The following RAB3GAP1 variants were observed in gnomAD, a reference collection of about 807,000 sequenced individuals.
The protein encoded by RAB3GAP1 is rab3 GTPase-activating protein catalytic subunit.
Under a neutral mutation model 130.7 loss-of-function variants are expected in RAB3GAP1, and 86 were observed. The ratio of observed to expected loss-of-function variants is 0.66; its 90% CI spans 0.55 to 0.79. The LOEUF (loss-of-function observed/expected upper bound fraction) is 0.79, where lower values mean the gene tolerates loss of function less well. Among genes scored for constraint, RAB3GAP1 ranks in the 30% least tolerant of loss-of-function variants. The pLI is 0.00. For synonymous variants in RAB3GAP1, 367 were observed against 401.7 expected, an observed-to-expected ratio of 0.91 and a Z score of 1.03; for missense variants, 1,029 against 1,169.4, an observed-to-expected ratio of 0.88 and a Z score of 1.75.
chr2:135,091,420 G>C (rs1330230713), intron 4 of RAB3GAP1, among the ~76,000 whole-genome samples: 1 of 152,140 alleles, frequency 6.6e-6, no homozygotes, highest in East Asian at 1.9e-4. Flanking sequence ...TAATGAAAGT[G>C]ATAAGTGCAT....
At chr2:135,063,948 G>C (rs1325537587) in intron 3 of RAB3GAP1, among the ~76,000 whole-genome samples, 2 of 152,096 alleles carry the variant, frequency 1.3e-5, no homozygotes, top group African/African-American at 2.4e-5. Flanking sequence ...AGATTTTGCC[G>C]TATTTTTGAA....
At chr2:135,107,999 A>C (rs1295213070) in intron 5 of RAB3GAP1, among the ~76,000 whole-genome samples, 2 of 143,484 alleles carry the variant, frequency 1.4e-5, no homozygotes, top group African/African-American at 2.7e-5. Flanking sequence ...AAAAAAAAAA[A>C]AAACTACACA....
At chr2:135,094,482 T>A (rs1351979793) in intron 5 of RAB3GAP1, among the ~76,000 whole-genome samples, 2 of 152,218 alleles carry the variant, frequency 1.3e-5, no homozygotes, top group African/African-American at 4.8e-5. Context: ...ATGCTAGATC[T>A]TACTTTTTCT....
intron 3 of RAB3GAP1, among the ~76,000 whole-genome samples, chr2:135,079,416 T>C (rs1689722484): frequency 1.3e-5 from 2 of 152,386 alleles, no homozygotes; most frequent in South Asian, 2.1e-4. Context: ...GCTGTCATTA[T>C]ATTATGAGAC....
chr2:135,162,489 C>A, intron 19 of RAB3GAP1, 66 bp from the exon 20 acceptor site: 2 of 1,254,930 alleles, frequency 1.6e-6, no homozygotes, highest in Non-Finnish European at 2.3e-6. Context: ...ATTTGCACTT[C>A]TGTAAGTGGC....
chr2:135,162,879 G>A, intron 21 of RAB3GAP1, 28 bp downstream of exon 21: 1 of 1,594,248 alleles, frequency 6.3e-7, no homozygotes, highest in Non-Finnish European at 8.6e-7. Flanking sequence ...TCAGAATCTT[G>A]CCAAGTGTTC....
chr2:135,148,709 G>C (rs1296664600), intron 17 of RAB3GAP1, among the ~76,000 whole-genome samples: 4 of 135,372 alleles, frequency 3.0e-5, no homozygotes, highest in African/African-American at 5.8e-5. Flanking sequence ...ATGGGGTTTC[G>C]CCATGTTGGC....
intron 19 of RAB3GAP1, among the ~76,000 whole-genome samples, chr2:135,155,323 G>T (rs1008223570): frequency 2.0e-5 from 3 of 152,016 alleles, no homozygotes; most frequent in Non-Finnish European, 4.4e-5. Context: ...TGGGAAAAGA[G>T]CCCAGAAAAT....
chr2:135,135,910 C>T lies in RAB3GAP1; in HGVS notation c.1901C>T (p.Pro634Leu). Reference sequence around the variant, plus strand: ...CTTACACTGCTGCATAATGGAGAACCTCTCTACATTCCAGTAACCCAGGTA... The same window carrying T: ...CTTACACTGCTGCATAATGGAGAACTTCTCTACATTCCAGTAACCCAGGTA... The part of the protein sequence containing the change: ...GKLTLLHNGE[P>L]LYIPVTQEPA... The change falls in exon 17 of 24, where the codon CCT becomes CTT. Residue 634 changes from proline to leucine, a missense_variant. By Grantham distance (98) the Pro-to-Leu change is moderately conservative. This residue lies in a region of RAB3GAP1 where 373 missense variants were observed against 493.6 expected (regional missense o/e 0.76). Transcript: ENST00000264158. 6.2e-7 allele frequency: 1 copy of T among 1,613,968 alleles called. No individual in the cohort carries two copies. The highest frequency in any genetic ancestry group is 8.5e-7 in the Non-Finnish European group (1 of 1,179,814).
intron 5 of RAB3GAP1, among the ~76,000 whole-genome samples, chr2:135,111,081 G>A (rs1043917403): frequency 1.3e-5 from 2 of 151,982 alleles, no homozygotes; most frequent in African/African-American, 4.8e-5. Flanking sequence ...TTGATTTCAG[G>A]GCTAGGAGGG....
chr2:135,174,254 G>A (rs908412630), downstream of RAB3GAP1, among the ~76,000 whole-genome samples: 2 of 133,236 alleles, frequency 1.5e-5, no homozygotes, highest in African/African-American at 2.8e-5. Flanking sequence ...GACCCCATCC[G>A]GAGAGGGTGG....
chr2:135,090,104 G>A (rs1362772568), intron 3 of RAB3GAP1, among the ~76,000 whole-genome samples: 3 of 152,060 alleles, frequency 2.0e-5, no homozygotes, highest in Non-Finnish European at 4.4e-5. Context: ...TTATGATTTT[G>A]GATGTGTATC....
At chr2:135,061,699 G>A (rs1356786404) in intron 3 of RAB3GAP1, among the ~76,000 whole-genome samples, 2 of 151,598 alleles carry the variant, frequency 1.3e-5, no homozygotes, top group African/African-American at 4.8e-5. Flanking sequence ...TATATATTCT[G>A]CTTTTAAGTC....
At chr2:135,106,337 A>T (rs1690618637) in intron 5 of RAB3GAP1, among the ~76,000 whole-genome samples, 1 of 152,272 alleles carries the variant, frequency 6.6e-6, no homozygotes, top group Non-Finnish European at 1.5e-5. Context: ...TGGGGAAACG[A>T]TAGAGAAATC....
intron 5 of RAB3GAP1, among the ~76,000 whole-genome samples, chr2:135,108,948 T>C (rs922035796): frequency 7.2e-5 from 11 of 152,182 alleles, no homozygotes; most frequent in East Asian, 1.9e-4. Flanking sequence ...CTATCTCCAT[T>C]GTATTGCCTC....
At chr2:135,093,741 G>GA in intron 5 of RAB3GAP1, 48 bp downstream of exon 5, 1 of 1,353,058 alleles carries the variant, frequency 7.4e-7, no homozygotes, top group Non-Finnish European at 1.1e-6. Context: ...TGTTGCGGGG[G>GA]ACCTCAACAC....
intron 3 of RAB3GAP1, among the ~76,000 whole-genome samples, chr2:135,085,878 A>G (rs938639697): frequency 3.3e-5 from 5 of 152,220 alleles, no homozygotes; most frequent in Non-Finnish European, 7.4e-5. Context: ...CACCATTCAT[A>G]TCAAAATGTA....
chr2:135,080,084 T>TCC (rs893898662), intron 3 of RAB3GAP1, among the ~76,000 whole-genome samples: 3 of 122,646 alleles, frequency 2.4e-5, no homozygotes, highest in Non-Finnish European at 4.7e-5. Flanking sequence ...ACCACAGCAC[T>TCC]CCCGCCTGGG....
At chr2:135,097,669 CA>C (rs1489574434) in intron 5 of RAB3GAP1, among the ~76,000 whole-genome samples, 4 of 152,172 alleles carry the variant, frequency 2.6e-5, no homozygotes, top group Non-Finnish European at 5.9e-5. Context: ...GCTTTTAAAA[CA>C]GCATGGTGCC....
Sources: allele counts gnomAD v4.1 joint callset (sites outside exome capture counted in the v4.1 genomes callset), GRCh38; gene constraint gnomAD v4.1.1; regional missense constraint gnomAD v4.1.1; transcripts MANE v1.5; gene names NCBI Gene and HGNC (gene_info 2026-07-23, HGNC 2026-07-21).